Variants in SBF2 observed in about 807,000 individuals in gnomAD.
SBF2 encodes SET binding factor 2.
In SBF2, 112 loss-of-function variants were observed where a neutral mutation model predicts 225.2. The ratio of observed to expected loss-of-function variants is 0.50; its 90% CI spans 0.43 to 0.58. The LOEUF is 0.58. Among genes scored for constraint, SBF2 ranks in the 20% least tolerant of loss-of-function variants. The pLI, the probability that SBF2 is intolerant of heterozygous loss-of-function variation, is 0.00. For missense variants in SBF2, 1,996 were observed against 2,206.2 expected (o/e 0.90, Z 1.91); for synonymous variants, 763 against 773.3 (o/e 0.99, Z 0.22).
intron 2 of SBF2, among the ~76,000 whole-genome samples, chr11:10,191,972 T>C (rs1957193294): frequency 6.6e-6 from 1 of 152,062 alleles, no homozygotes; most frequent in African/African-American, 2.4e-5. Context: ...TGAAGGTGAG[T>C]CACTGCTCAT....
At chr11:10,116,277 T>C (rs865930911) in intron 2 of SBF2, among the ~76,000 whole-genome samples, 20 of 152,230 alleles carry the variant, frequency 1.3e-4, no homozygotes, top group African/African-American at 3.6e-4. Flanking sequence ...TAATTCCTGG[T>C]TGTCTAGTTT....
intron 2 of SBF2, among the ~76,000 whole-genome samples, chr11:10,045,497 T>C (rs556057186): frequency 3.5e-4 from 53 of 152,312 alleles, no homozygotes; most frequent in Non-Finnish European, 6.9e-4. Flanking sequence ...GGTATAGGAA[T>C]AGATTGAAAT....
intron 28 of SBF2, among the ~76,000 whole-genome samples, chr11:9,824,561 CAAAAAAAA>C (rs112827651): frequency 1.6e-5 from 1 of 61,836 alleles, no homozygotes; most frequent in Non-Finnish European, 3.3e-5. Flanking sequence ...GACTCCATCT[CAAAAAAAA>C]AAAAAAAAGA....
chr11:10,195,056 T>C (rs1327805065), intron 1 of SBF2, among the ~76,000 whole-genome samples: 4 of 152,204 alleles, frequency 2.6e-5, no homozygotes, highest in Non-Finnish European at 4.4e-5. Context: ...TGGTTAAAGT[T>C]TCTGAGGCTG....
chr11:10,274,026 T>C (rs1962755778), intron 1 of SBF2, among the ~76,000 whole-genome samples: 1 of 152,266 alleles, frequency 6.6e-6, no homozygotes, highest in Admixed American at 6.5e-5. Context: ...AGTTATTCTC[T>C]GGTTTCATTA....
intron 26 of SBF2, among the ~76,000 whole-genome samples, chr11:9,832,663 AT>A (rs1353042307): frequency 6.6e-6 from 1 of 151,952 alleles, no homozygotes; most frequent in Non-Finnish European, 1.5e-5. Flanking sequence ...CTGGTTTCAA[AT>A]TTTTGGGCTC....
chr11:10,236,949 G>C (rs1030086690), intron 1 of SBF2, among the ~76,000 whole-genome samples: 1 of 152,088 alleles, frequency 6.6e-6, no homozygotes, highest in African/African-American at 2.4e-5. Context: ...CACAGATCTG[G>C]AAAGAAAAAA....
At chr11:10,228,451 T>C (rs1475315762) in intron 1 of SBF2, among the ~76,000 whole-genome samples, 1 of 152,220 alleles carries the variant, frequency 6.6e-6, no homozygotes, top group Non-Finnish European at 1.5e-5. Flanking sequence ...TGATATTGGC[T>C]GTAGGTTTGT....
chr11:10,266,664 C>T (rs974108993), intron 1 of SBF2, among the ~76,000 whole-genome samples: 3 of 152,112 alleles, frequency 2.0e-5, no homozygotes, highest in Non-Finnish European at 4.4e-5. Context: ...TAGTTATTTC[C>T]TAACAGCTAT....
In SBF2 at chr11:10,063,858, C is replaced by CACACAGAG. The variant is rs373423157; in HGVS notation, c.142-20878_142-20877insCTCTGTGT. On this transcript the variant is annotated intron_variant, in intron 2 of 39. Transcript: ENST00000256190. ...ACACACACACACACACACACACACA[C>CACACAGAG]AGAGAGAGAGAGAGAGAGAGAGAAA... 8.3e-4 allele frequency among the ~76,000 whole-genome samples: 113 copies of CACACAGAG among 136,234 alleles called. 1 individual carries two copies. In the South Asian group the frequency reaches 0.016, roughly 19 times the overall value. 89.4% of individuals were successfully genotyped at this position (136,234 alleles called of 152,430 possible).
At chr11:9,932,967 A>AC (rs1864607629) in intron 16 of SBF2, among the ~76,000 whole-genome samples, 1 of 145,240 alleles carries the variant, frequency 6.9e-6, no homozygotes, top group Non-Finnish European at 1.5e-5. Context: ...CAAAAAAAAA[A>AC]AAAAAAAAAA....
In SBF2 at chr11:9,852,656, A is replaced by C; in HGVS notation, c.2610+20T>G. The stretch of plus-strand genomic sequence containing the variant: ...TTAAGAAGAGAGGCTATACCCTGAA[A>C]GCATGTAGTCTGGAATTACCTTCTG... On this transcript the variant is annotated intron_variant, in intron 21 of 39. Transcript: ENST00000256190. 1 of 1,578,338 alleles carries C rather than the reference A, an allele frequency of 6.3e-7. No individual in the cohort carries two copies. Among genetic ancestry groups the C allele is most frequent in the South Asian group, 1.1e-5 (1 of 90,326 alleles).
At chr11:10,200,705 T>C (rs1957539128) in intron 1 of SBF2, among the ~76,000 whole-genome samples, 1 of 152,162 alleles carries the variant, frequency 6.6e-6, no homozygotes, top group African/African-American at 2.4e-5. Context: ...TTACTTTTTT[T>C]AGTTACAGAT....
intron 17 of SBF2, among the ~76,000 whole-genome samples, chr11:9,892,623 G>A (rs1003411567): frequency 6.6e-6 from 1 of 151,094 alleles, no homozygotes; most frequent in Non-Finnish European, 1.5e-5. Flanking sequence ...ACAATGGTGC[G>A]CTCTCGGTTC....
At chr11:9,849,952 T>C in intron 22 of SBF2, 71 bp downstream of exon 22, 3 of 1,385,828 alleles carry the variant, frequency 2.2e-6, no homozygotes, top group Non-Finnish European at 3.1e-6. Context: ...TGCAAATCAC[T>C]GTGCACAGAT....
intron 30 of SBF2, among the ~76,000 whole-genome samples, chr11:9,809,647 C>T (rs1854061702): frequency 6.6e-6 from 1 of 151,076 alleles, no homozygotes; most frequent in Admixed American, 6.6e-5. Flanking sequence ...CGGGTTCAAG[C>T]GATTCTCCTG....
At chr11:10,001,534 T>G (rs191209719) in intron 7 of SBF2, among the ~76,000 whole-genome samples, 7 of 152,054 alleles carry the variant, frequency 4.6e-5, no homozygotes, top group Non-Finnish European at 1.0e-4. Context: ...ATAAATTTTT[T>G]TTTTTTTTGA....
chr11:10,267,589 CTT>C (rs773821776), intron 1 of SBF2, among the ~76,000 whole-genome samples: 3 of 151,690 alleles, frequency 2.0e-5, no homozygotes, highest in African/African-American at 7.3e-5. Context: ...GCTGCATTTT[CTT>C]TTCTTTCTTT....
At chr11:9,848,482 T>C (rs755058696) in intron 22 of SBF2, among the ~76,000 whole-genome samples, 2 of 152,058 alleles carry the variant, frequency 1.3e-5, no homozygotes, top group South Asian at 4.1e-4. Context: ...AAGCATACTT[T>C]AAAATAAATA....
Sources: gnomAD v4.1 joint callset for allele counts (sites outside exome capture counted in the v4.1 genomes callset) on GRCh38, gnomAD v4.1.1 for gene constraint, MANE v1.5 for transcripts, NCBI Gene and HGNC (gene_info 2026-07-23, HGNC 2026-07-21) for gene names.